The following ROBO2 variants were observed in gnomAD, a reference collection of about 807,000 sequenced individuals.
The protein encoded by ROBO2 is roundabout homolog 2.
In ROBO2, 53 loss-of-function variants were observed where a neutral mutation model predicts 160.8. The ratio of observed to expected loss-of-function variants is 0.33; its 90% confidence interval spans 0.26 to 0.41. The LOEUF (loss-of-function observed/expected upper bound fraction) is 0.41. ROBO2 is among the 10% of genes least tolerant of loss of function. The pLI, the probability that ROBO2 is intolerant of heterozygous loss-of-function variation, is 1.00. For synonymous variants in ROBO2, 664 were observed against 611.7 expected, an observed-to-expected ratio of 1.09 and a Z score of -1.26; for missense variants, 1,577 against 1,722.4, an observed-to-expected ratio of 0.92 and a Z score of 1.49.
intron 2 of ROBO2, among the ~76,000 whole-genome samples, chr3:76,888,531 A>C (rs1007130298): frequency 1.3e-5 from 2 of 152,252 alleles, no homozygotes; most frequent in African/African-American, 4.8e-5. Flanking sequence ...ATTAAAATAA[A>C]TATGAATAGG....
chr3:76,648,464 T>C (rs976237106), intron 2 of ROBO2, among the ~76,000 whole-genome samples: 1 of 152,136 alleles, frequency 6.6e-6, no homozygotes. Flanking sequence ...TCAAAGAACA[T>C]TGAAGGCTAC....
intron 2 of ROBO2, among the ~76,000 whole-genome samples, chr3:76,217,095 G>C (rs572263809): frequency 1.3e-5 from 2 of 152,054 alleles, no homozygotes; most frequent in Admixed American, 6.6e-5. Flanking sequence ...AGAAATAAAG[G>C]TGTTCTTTGA....
chr3:76,669,964 C>T (rs1194037612), intron 2 of ROBO2, among the ~76,000 whole-genome samples: 1 of 152,028 alleles, frequency 6.6e-6, no homozygotes, highest in African/African-American at 2.4e-5. Context: ...AAATGTGCTT[C>T]TTACAATCAT....
intron 2 of ROBO2, among the ~76,000 whole-genome samples, chr3:76,385,877 A>T (rs1460077443): frequency 6.6e-6 from 1 of 152,160 alleles, no homozygotes; most frequent in Non-Finnish European, 1.5e-5. Context: ...GTGTTTCTAG[A>T]TTAGAAACTT....
At chr3:76,696,148 G>C (rs2092922006) in intron 2 of ROBO2, among the ~76,000 whole-genome samples, 1 of 152,120 alleles carries the variant, frequency 6.6e-6, no homozygotes, top group East Asian at 1.9e-4. Flanking sequence ...AATGACTTGA[G>C]GCGGGAAAGT....
intron 2 of ROBO2, among the ~76,000 whole-genome samples, chr3:76,346,275 T>G (rs1431160159): frequency 6.6e-6 from 1 of 151,020 alleles, no homozygotes; most frequent in Non-Finnish European, 1.5e-5. Flanking sequence ...TGAGACAGAG[T>G]CTCGCTCTGT....
intron 2 of ROBO2, among the ~76,000 whole-genome samples, chr3:77,251,009 C>T (rs1345298808): frequency 6.6e-6 from 1 of 152,106 alleles, no homozygotes; most frequent in Non-Finnish European, 1.5e-5. Context: ...GTTGCAGTCT[C>T]ATGTCTGCAG....
intron 2 of ROBO2, among the ~76,000 whole-genome samples, chr3:77,098,855 CAAAA>C (rs539680142): frequency 0.098 from 14,605 of 149,360 alleles, 1,709 homozygotes; most frequent in African/African-American, 0.29. Flanking sequence ...GACTCCGTCT[CAAAA>C]AAACAAACAA....
At chr3:76,958,256 T>C (rs2079417818) in intron 2 of ROBO2, among the ~76,000 whole-genome samples, 1 of 152,206 alleles carries the variant, frequency 6.6e-6, no homozygotes, top group African/African-American at 2.4e-5. Context: ...AGGTTCTGAA[T>C]TACAGTCTGT....
chr3:76,651,522 C>A (rs1375679382), intron 2 of ROBO2, among the ~76,000 whole-genome samples: 1 of 151,702 alleles, frequency 6.6e-6, no homozygotes, highest in Non-Finnish European at 1.5e-5. Flanking sequence ...TTTATACATG[C>A]ATTAAATGAG....
At chr3:76,915,621 G>A (rs931879465) in intron 2 of ROBO2, among the ~76,000 whole-genome samples, 1 of 144,480 alleles carries the variant, frequency 6.9e-6, no homozygotes. Context: ...AGTGAGCCAA[G>A]ATTGCGTCAC....
In ROBO2 at chr3:77,433,486, G is replaced by GTACATATATATATA. The variant is rs1325507347; in HGVS notation, c.389-43926_389-43925insCATATATATATATA. Among the ~76,000 whole-genome samples the GTACATATATATATA allele has an allele frequency of 1.3e-3, 125 of 99,408 alleles. 8 individuals are homozygous for GTACATATATATATA. Among genetic ancestry groups the GTACATATATATATA allele is most frequent in the South Asian group, 7.8e-3 (22 of 2,830 alleles). 65.2% of individuals were successfully genotyped at this position (99,408 alleles called of 152,430 possible). On this transcript the variant is annotated intron_variant, in intron 2 of 25. Coordinates refer to ENST00000461745, the Ensembl canonical transcript of ROBO2. ...GATTTTCCTTCTTCTCTGGCAACTTGTATATATATATATATATATATATAT... is the reference window on the plus strand; with the variant it reads ...GATTTTCCTTCTTCTCTGGCAACTTGTACATATATATATATATATATATATATATATATATATAT...
intron 2 of ROBO2, among the ~76,000 whole-genome samples, chr3:77,288,109 G>T (rs922871054): frequency 5.9e-5 from 9 of 152,094 alleles, no homozygotes; most frequent in Non-Finnish European, 1.0e-4. Context: ...GTGTAATGAT[G>T]AATTTTGTTC....
At chr3:77,243,924 T>C (rs1045749727) in intron 2 of ROBO2, among the ~76,000 whole-genome samples, 1 of 152,202 alleles carries the variant, frequency 6.6e-6, no homozygotes, top group Non-Finnish European at 1.5e-5. Context: ...TCAAAGCTCC[T>C]TATAGACAAG....
intron 2 of ROBO2, among the ~76,000 whole-genome samples, chr3:75,986,564 A>T (rs866805060): frequency 6.6e-6 from 1 of 150,826 alleles, no homozygotes; most frequent in Non-Finnish European, 1.5e-5. Context: ...ACAGTTTTTA[A>T]TTTTTTTCTC....
intron 2 of ROBO2, among the ~76,000 whole-genome samples, chr3:76,082,478 A>G (rs2068867956): frequency 6.6e-6 from 1 of 152,122 alleles, no homozygotes. Flanking sequence ...CTTAAATAGA[A>G]GAGCTACATA....
intron 2 of ROBO2, among the ~76,000 whole-genome samples, chr3:76,165,294 T>C (rs1051305900): frequency 3.3e-5 from 5 of 152,162 alleles, no homozygotes; most frequent in African/African-American, 9.6e-5. Flanking sequence ...TTTTATGTTA[T>C]GGAGATGGCT....
chr3:77,229,638 G>C (rs1580200375), intron 2 of ROBO2, among the ~76,000 whole-genome samples: 1 of 150,196 alleles, frequency 6.7e-6, no homozygotes, highest in African/African-American at 2.5e-5. Flanking sequence ...CCCAGCCCAG[G>C]CAACAGAGTA....
intron 2 of ROBO2, among the ~76,000 whole-genome samples, chr3:75,997,499 C>CTTT (rs56890342): frequency 1.6e-5 from 2 of 126,522 alleles, no homozygotes; most frequent in Admixed American, 9.0e-5. Flanking sequence ...TTCATCCATT[C>CTTT]TTTTTTTTTT....
Sources: allele counts gnomAD v4.1 joint callset (sites outside exome capture counted in the v4.1 genomes callset), GRCh38; gene constraint gnomAD v4.1.1; transcripts MANE v1.5; gene names NCBI Gene and HGNC (gene_info 2026-07-23, HGNC 2026-07-21).